CHD1: variants seen among roughly 807,000 people sequenced by gnomAD.
CHD1 encodes ATP-dependent chromatin remodeler CHD1.
Under a neutral mutation model 224.2 loss-of-function variants are expected in CHD1, and 36 were observed. That is an observed-to-expected ratio of 0.16 (90% confidence interval 0.12 to 0.21). The LOEUF is 0.21. CHD1 is among the 10% of genes least tolerant of loss of function. The probability of loss-of-function intolerance (pLI) is 1.00; values close to 1 mark genes in which losing one functional copy is unlikely to be tolerated. For missense variants in CHD1, 1,378 were observed against 1,994.8 expected (o/e 0.69, Z 5.89); for synonymous variants, 668 against 658.3 (o/e 1.01, Z -0.23).
chr5:98,885,520 T>C (rs763370654), intron 18 of CHD1, 58 bp downstream of exon 18: 2 of 1,014,262 alleles, frequency 2.0e-6, no homozygotes, highest in Non-Finnish European at 3.0e-6. Context: ...AATATAATAA[T>C]GTAATATACT....
chr5:98,887,958 A>C (rs1299513095), intron 17 of CHD1, 130 bp downstream of exon 17: 3 of 493,124 alleles, frequency 6.1e-6, no homozygotes, highest in Non-Finnish European at 9.9e-6. Context: ...TAAAGCAGAT[A>C]CATCTTTTTA....
At position 98,879,625 on chromosome 5, in the gene CHD1, A is replaced by G; in HGVS notation, c.3164T>C (p.Leu1055Ser). 2 of 1,608,022 alleles carry G rather than the reference A, an allele frequency of 1.2e-6. No individual in the cohort carries two copies. The highest frequency in any genetic ancestry group is 8.5e-7 in the Non-Finnish European group (1 of 1,177,358). Reference sequence around the variant, plus strand: ...TTCCTTTTGTCTTTCTTCTTCTTCTAATCGTCTTCTTTGATCTTCTGGAAT... The same window carrying G: ...TTCCTTTTGTCTTTCTTCTTCTTCTGATCGTCTTCTTTGATCTTCTGGAAT... ...EIIPEDQRRR[L>S]EEEERQKELE... The change falls in exon 23 of 36, where the codon TTA becomes TCA. Residue 1055 changes from leucine to serine, a missense_variant. Around this residue, in one of 16 missense-constraint regions of CHD1, gnomAD observed 286 missense variants for 445.1 expected, o/e 0.64. Coordinates refer to ENST00000614616, the MANE Select transcript of CHD1 (RefSeq NM_001270.4).
chr5:98,897,362 T>A, intron 10 of CHD1, 42 bp from the exon 11 acceptor site: 1 of 1,335,668 alleles, frequency 7.5e-7, no homozygotes, highest in Non-Finnish European at 1.0e-6. Flanking sequence ...TTATTAAATA[T>A]AAGAAATTAT....
At position 98,900,869 on chromosome 5, in the gene CHD1, C is replaced by T; in HGVS notation, c.801G>A (p.Glu267=). ...EVCGEDVPQP[E]EEEFETIERF... is the part of the protein sequence containing the mutation. Reference sequence around the variant, plus strand: ...TTTCTATGGTTTCAAATTCCTCTTCCTCAGGTTGAGGAACATCCTCTCCAC... The same window carrying T: ...TTTCTATGGTTTCAAATTCCTCTTCTTCAGGTTGAGGAACATCCTCTCCAC... Residue 267 remains glutamate, a synonymous_variant, in exon 7 of 36, where the codon GAG becomes GAA. Transcript: ENST00000614616. 2 of 1,613,802 alleles carry T rather than the reference C, an allele frequency of 1.2e-6. No homozygotes were observed. The highest frequency in any genetic ancestry group is 2.2e-5 in the East Asian group (1 of 44,880).
At chr5:98,924,977 C>CAA (rs1038156256) in intron 2 of CHD1, among the ~76,000 whole-genome samples, 10 of 108,664 alleles carry the variant, frequency 9.2e-5, no homozygotes, top group East Asian at 7.8e-4. Flanking sequence ...GACTCTGTCT[C>CAA]AAAAAAAAAA....
intron 32 of CHD1, among the ~76,000 whole-genome samples, chr5:98,862,997 C>A (rs957320722): frequency 2.0e-5 from 3 of 152,022 alleles, no homozygotes; most frequent in South Asian, 2.1e-4. Flanking sequence ...TTTTACATTG[C>A]GTGAGGATGT....
At chr5:98,861,130 T>C (rs2112455352) in intron 32 of CHD1, among the ~76,000 whole-genome samples, 1 of 152,220 alleles carries the variant, frequency 6.6e-6, no homozygotes, top group East Asian at 1.9e-4. Flanking sequence ...TACACAAACC[T>C]AAGAATTAGT....
chr5:98,913,142 C>T (rs1174242010), intron 2 of CHD1, among the ~76,000 whole-genome samples: 1 of 152,066 alleles, frequency 6.6e-6, no homozygotes, highest in Non-Finnish European at 1.5e-5. Flanking sequence ...TGTTCCCTTC[C>T]ACCTATAGCT....
chr5:98,857,864 TA>T (rs1748157670), intron 35 of CHD1, among the ~76,000 whole-genome samples: 3 of 149,818 alleles, frequency 2.0e-5, no homozygotes, highest in African/African-American at 7.2e-5. Flanking sequence ...TTATCCCACT[TA>T]TTATATTTTA....
At chr5:98,915,586 T>C (rs1752680891) in intron 2 of CHD1, among the ~76,000 whole-genome samples, 1 of 152,184 alleles carries the variant, frequency 6.6e-6, no homozygotes, top group Non-Finnish European at 1.5e-5. Flanking sequence ...ACATCTAAAA[T>C]TTATTATAGT....
intron 15 of CHD1, among the ~76,000 whole-genome samples, chr5:98,890,949 C>T (rs1044362062): frequency 2.0e-5 from 3 of 152,064 alleles, no homozygotes; most frequent in Admixed American, 2.0e-4. Flanking sequence ...AATCCCAATT[C>T]GAGTAAACGT....
rs1398829073 is a variant in CHD1 at position 98,858,187 on chromosome 5, C to G, written c.4780G>C (p.Asp1594His). ...AGTGACTGCCAAGTTTACCTGCTGT[C>G]TTGCTTGTAGTGATCCCAATCACGA... ...DHRDWDHYKQDSRYYSDREKH... is the reference protein window; with the variant it reads ...DHRDWDHYKQHSRYYSDREKH... The change falls in exon 35 of 36, where the codon GAC (aspartate) becomes CAC (histidine). Residue 1594 changes from aspartate to histidine, a missense_variant. This residue lies in a region of CHD1 where 278 missense variants were observed against 298.5 expected (regional missense o/e 0.93). Transcript: ENST00000614616. 6.2e-7 allele frequency: 1 copy of G among 1,612,348 alleles called. No homozygotes were observed. Among genetic ancestry groups the G allele is most frequent in the Admixed American group, 1.7e-5 (1 of 59,938 alleles).
At chr5:98,889,335 C>T in intron 15 of CHD1, 97 bp from the exon 16 acceptor site, 6 of 837,004 alleles carry the variant, frequency 7.2e-6, no homozygotes, top group Middle Eastern at 3.0e-4. Flanking sequence ...AACGATAGTA[C>T]CAAAGTAAAA....
chr5:98,898,610 T>A lies in CHD1; in HGVS notation c.1186+54A>T, dbSNP rs1050561735. On this transcript the variant is annotated intron_variant, in intron 9 of 35. Coordinates refer to ENST00000614616, the MANE Select transcript of CHD1 (RefSeq NM_001270.4). ...GTAAGTGGCAAACTTATGACTTTTT[T>A]CAGATTATTTCAAGCATAAAAAGAA... The A allele has an allele frequency of 6.4e-5, 84 of 1,305,210 alleles. No homozygotes were observed. In the Admixed American group the frequency reaches 1.3e-3, roughly 21 times the overall value. 80.9% of individuals were successfully genotyped at this position (1,305,210 alleles called of 1,614,324 possible). A position where few individuals can be genotyped will look rare whatever the true frequency, so the allele number is the denominator to read the frequency against.
At chr5:98,921,008 C>A (rs1305453708) in intron 2 of CHD1, among the ~76,000 whole-genome samples, 1 of 151,858 alleles carries the variant, frequency 6.6e-6, no homozygotes, top group Non-Finnish European at 1.5e-5. Context: ...ATGGAAAAAT[C>A]AATGAAATCC....
rs150316419 is a variant in CHD1 at position 98,865,370 on chromosome 5, A to C, written c.4249-1784T>G. 2.8e-3 allele frequency among the ~76,000 whole-genome samples: 420 copies of C among 152,342 alleles called. 3 individuals are homozygous for C. Among genetic ancestry groups the C allele is most frequent in the African/African-American group, 9.5e-3 (396 of 41,578 alleles). ...AGATGGAAAGCCACTGGAGTGTTGTAGGCACAGAAATATAACGGTGTGACT... is the reference window on the plus strand; with the variant it reads ...AGATGGAAAGCCACTGGAGTGTTGTCGGCACAGAAATATAACGGTGTGACT... On this transcript the variant is annotated intron_variant, in intron 31 of 35. Coordinates refer to ENST00000614616, the MANE Select transcript of CHD1 (RefSeq NM_001270.4).
At chr5:98,858,131 G>T in intron 35 of CHD1, 49 bp downstream of exon 35, 1 of 1,431,526 alleles carries the variant, frequency 7.0e-7, no homozygotes. Context: ...ATCATGATAA[G>T]GAGAAAAACA....
At chr5:98,915,573 CAT>C (rs1239986234) in intron 2 of CHD1, among the ~76,000 whole-genome samples, 2 of 152,272 alleles carry the variant, frequency 1.3e-5, no homozygotes, top group African/African-American at 4.8e-5. Flanking sequence ...AGTTTCCTAA[CAT>C]ACATCTAAAA....
intron 14 of CHD1, 106 bp from the exon 15 acceptor site, chr5:98,892,819 G>A: frequency 3.4e-6 from 2 of 595,164 alleles, no homozygotes; most frequent in Non-Finnish European, 2.6e-6. Flanking sequence ...AAATACTACA[G>A]ATTTTTAGAA....
Sources: gnomAD v4.1 joint callset for allele counts (sites outside exome capture counted in the v4.1 genomes callset) on GRCh38, gnomAD v4.1.1 for gene constraint, gnomAD v4.1.1 regional missense constraint, MANE v1.5 for transcripts, NCBI Gene and HGNC (gene_info 2026-07-23, HGNC 2026-07-21) for gene names.